The following KCNQ5 variants were observed in gnomAD, a reference collection of about 807,000 sequenced individuals.
KCNQ5 encodes potassium voltage-gated channel subfamily KQT member 5.
Under a neutral mutation model 98.2 loss-of-function variants are expected in KCNQ5, and 30 were observed. The observed-to-expected ratio is 0.31, with a 90% CI of 0.23 to 0.41. KCNQ5 has a LOEUF of 0.41. Ranked by LOEUF, KCNQ5 falls within the 10% of genes least tolerant of loss-of-function variation. The pLI is 1.00. For missense variants in KCNQ5, 835 were observed against 1,182.5 expected (o/e 0.71, Z 4.31); for synonymous variants, 458 against 449.4 (o/e 1.02, Z -0.24).
intron 7 of KCNQ5, among the ~76,000 whole-genome samples, chr6:73,113,354 A>G (rs1191210235): frequency 6.6e-6 from 1 of 152,260 alleles, no homozygotes; most frequent in Non-Finnish European, 1.5e-5. Flanking sequence ...TTTACACAAT[A>G]AAACCTCTTG....
intron 1 of KCNQ5, among the ~76,000 whole-genome samples, chr6:72,937,069 A>G (rs1251173824): frequency 1.3e-5 from 2 of 152,266 alleles, no homozygotes; most frequent in Non-Finnish European, 2.9e-5. Context: ...ACAACTATTC[A>G]TATTGATAAA....
intron 1 of KCNQ5, among the ~76,000 whole-genome samples, chr6:72,878,782 G>A (rs941635582): frequency 1.3e-5 from 2 of 152,064 alleles, no homozygotes; most frequent in African/African-American, 4.8e-5. Flanking sequence ...AATATAAAAT[G>A]TCTTTTCTCA....
At position 73,194,801 on chromosome 6, in the gene KCNQ5, C is replaced by T; in HGVS notation, c.2186C>T (p.Thr729Ile). 6.2e-7 allele frequency: 1 copy of T among 1,614,214 alleles called. No homozygotes were observed. The highest frequency in any genetic ancestry group is 8.5e-7 in the Non-Finnish European group (1 of 1,180,038). The change falls in exon 14 of 14, where the codon ACC becomes ATC. Residue 729 changes from threonine (T) to isoleucine (I), a missense_variant. Transcript: ENST00000370398. ...AGCGATGGCTCAGCAGTGGCAGCCA[C>T]CAACACCATTGCAAACCAAATAAAT... ...SQSDGSAVAA[T>I]NTIANQINTA...
intron 1 of KCNQ5, among the ~76,000 whole-genome samples, chr6:72,962,204 T>C (rs62412493): frequency 0.083 from 7,042 of 84,472 alleles, 624 homozygotes; most frequent in African/African-American, 0.22. Flanking sequence ...TATATATACA[T>C]ATATATATAT....
At chr6:72,912,480 G>A (rs1036825648) in intron 1 of KCNQ5, among the ~76,000 whole-genome samples, 4 of 152,108 alleles carry the variant, frequency 2.6e-5, no homozygotes, top group Non-Finnish European at 5.9e-5. Flanking sequence ...TTATCAGAGA[G>A]GTTTCTAGCC....
chr6:72,679,462 G>C (rs1355342555), intron 1 of KCNQ5, among the ~76,000 whole-genome samples: 5 of 150,944 alleles, frequency 3.3e-5, no homozygotes, highest in Admixed American at 2.0e-4. Context: ...TCTCAGTAAA[G>C]TATCGCAAGA....
At chr6:72,802,945 C>T (rs528691522) in intron 1 of KCNQ5, among the ~76,000 whole-genome samples, 1 of 152,066 alleles carries the variant, frequency 6.6e-6, no homozygotes, top group Non-Finnish European at 1.5e-5. Flanking sequence ...CGTGACTGCC[C>T]CTATTTCCTT....
intron 1 of KCNQ5, chr6:72,987,620 TGCAGCAGG>T: frequency 3.7e-6 from 1 of 271,986 alleles, no homozygotes; most frequent in South Asian, 4.3e-5. Context: ...CAGCAGAACC[TGCAGCAGG>T]ACTGTGACCG....
chr6:73,124,966 TATATATATATATATAC>T (rs1228936351), intron 9 of KCNQ5, among the ~76,000 whole-genome samples: 4 of 20,146 alleles, frequency 2.0e-4, no homozygotes, highest in African/African-American at 3.5e-4. Flanking sequence ...TATATATATA[TATATATATATATATAC>T]ACACACACAC....
intron 2 of KCNQ5, among the ~76,000 whole-genome samples, chr6:73,010,611 GA>G (rs1554197509): frequency 6.7e-6 from 1 of 148,312 alleles, no homozygotes; most frequent in Non-Finnish European, 1.5e-5. Flanking sequence ...CAGATGATGT[GA>G]TCTTATATGT....
chr6:72,955,954 G>A (rs1187451186), intron 1 of KCNQ5, among the ~76,000 whole-genome samples: 2 of 151,560 alleles, frequency 1.3e-5, no homozygotes, highest in Non-Finnish European at 2.9e-5. Flanking sequence ...AACAAACCCA[G>A]TAATTCTCAA....
At position 72,622,447 on chromosome 6, in the gene KCNQ5, G is replaced by A. The variant is rs2098915807; in HGVS notation, c.258G>A (p.Arg86=). 1 of 1,579,596 alleles carries A rather than the reference G, an allele frequency of 6.3e-7. No homozygotes were observed. The highest frequency in any genetic ancestry group is 1.8e-5 in the Admixed American group (1 of 55,738). Residue 86 remains arginine (R), a synonymous_variant, in exon 1 of 14, where the codon CGG becomes CGA. Transcript: ENST00000370398. This position sits in a 1 kb window ranked among gnomAD's most constrained non-coding sequence, Gnocchi z 6.0. ...GCCGCCGGGGCAAGCAGGGGGCCCG[G>A]ATGAGCCTGCTGGGGAAGCCGCTCT... ...RESRRGKQGA[R]MSLLGKPLSY... is the part of the protein sequence containing the mutation.
At chr6:73,186,797 C>CT (rs983462116) in intron 11 of KCNQ5, among the ~76,000 whole-genome samples, 1 of 152,008 alleles carries the variant, frequency 6.6e-6, no homozygotes, top group Non-Finnish European at 1.5e-5. Flanking sequence ...CACCAAAATT[C>CT]TTTTTTTAAA....
intron 1 of KCNQ5, among the ~76,000 whole-genome samples, chr6:72,821,974 A>G (rs2185766): frequency 0.94 from 143,716 of 152,208 alleles, 68,433 homozygotes; most frequent in East Asian, 1. Flanking sequence ...GAACGGCCCT[A>G]TCTTATCCTT....
chr6:72,795,707 G>T lies in KCNQ5; in HGVS notation c.398+173120G>T, dbSNP rs533941577. Among the ~76,000 whole-genome samples, 3 of 152,158 alleles carry T rather than the reference G, an allele frequency of 2.0e-5. No individual in the cohort carries two copies. The South Asian group carries it at 6.2e-4, about 32-fold the overall frequency. On this transcript the variant is annotated intron_variant, in intron 1 of 13. Transcript: ENST00000370398. ...GTTGTATATCCCAAAGATATTTTAG[G>T]AGTCACTCACTGATGTGAACTACAG...
At chr6:72,965,351 G>T (rs547031647) in intron 1 of KCNQ5, among the ~76,000 whole-genome samples, 1 of 152,172 alleles carries the variant, frequency 6.6e-6, no homozygotes, top group Non-Finnish European at 1.5e-5. Context: ...GTATTGATAA[G>T]TTGATAAAAC....
At chr6:73,170,252 G>A (rs74931273) in intron 11 of KCNQ5, among the ~76,000 whole-genome samples, 1 of 152,106 alleles carries the variant, frequency 6.6e-6, no homozygotes, top group Non-Finnish European at 1.5e-5. Flanking sequence ...ATTTCAAAAT[G>A]GGTTGAGTTC....
At chr6:73,130,014 C>T (rs1331302729) in intron 9 of KCNQ5, among the ~76,000 whole-genome samples, 2 of 152,196 alleles carry the variant, frequency 1.3e-5, no homozygotes, top group Admixed American at 1.3e-4. Flanking sequence ...TCCTTGTTGC[C>T]TGTTGCCTGC....
chr6:72,838,932 A>G (rs2150131073), intron 1 of KCNQ5, among the ~76,000 whole-genome samples: 1 of 131,438 alleles, frequency 7.6e-6, no homozygotes, highest in South Asian at 2.8e-4. Context: ...CCTGGGCGAC[A>G]GAGCGAGACT....
Sources: allele counts gnomAD v4.1 joint callset (sites outside exome capture counted in the v4.1 genomes callset), GRCh38; gene constraint gnomAD v4.1.1; non-coding constraint Gnocchi (gnomAD v3.1); transcripts MANE v1.5; gene names NCBI Gene and HGNC (gene_info 2026-07-23, HGNC 2026-07-21).